COPS2: variants seen among roughly 807,000 people sequenced by gnomAD.
COPS2 encodes the protein COP9 signalosome subunit 2, also known as COP9 signalosome complex subunit 2.
COPS2 carries 10 observed loss-of-function variants against 66.1 expected under a neutral mutation model. That is an observed-to-expected ratio of 0.15 (90% CI 0.09 to 0.26). The LOEUF (loss-of-function observed/expected upper bound fraction) is 0.26. Among genes scored for constraint, COPS2 ranks in the 10% least tolerant of loss-of-function variants. COPS2 has a pLI of 1.00. For synonymous variants in COPS2, 179 were observed against 171.3 expected, an observed-to-expected ratio of 1.04 and a Z score of -0.35; for missense variants, 215 against 513.3, an observed-to-expected ratio of 0.42 and a Z score of 5.62.
At chr15:49,155,484 G>C (rs201706108) in intron 1 of COPS2, 41 bp downstream of exon 1, 1 of 1,606,004 alleles carries the variant, frequency 6.2e-7, no homozygotes, top group East Asian at 2.2e-5. Flanking sequence ...CCGAAAACAA[G>C]ACACATCACC....
chr15:49,130,238 G>A (rs1452351907), intron 10 of COPS2, among the ~76,000 whole-genome samples: 1 of 152,136 alleles, frequency 6.6e-6, no homozygotes. Context: ...GCAAAGAGAT[G>A]ATTGTAGTCT....
intron 1 of COPS2, among the ~76,000 whole-genome samples, chr15:49,150,060 G>A (rs978774820): frequency 1.3e-5 from 2 of 151,516 alleles, no homozygotes; most frequent in African/African-American, 4.8e-5. Flanking sequence ...TTTGGGAGGC[G>A]GAGGCAGGTG....
Position 49,128,072 on chromosome 15 carries a change from G to C in COPS2, c.1210C>G (p.Gln404Glu). Residue 404 changes from glutamine to glutamate, a missense_variant, in exon 13 of 13, where the codon CAA (glutamine) becomes GAA (glutamate). This residue lies in a region of COPS2 where 42 missense variants were observed against 55.9 expected (regional missense o/e 0.75). Transcript: ENST00000388901. The stretch of plus-strand genomic sequence containing the variant: ...TCCAGTTCAAGGAGTTGGTTGACTT[G>C]ATCAATTCGGCCATGAATAGTGCTA... ...LDNTIHGRID[Q>E]VNQLLELDHQ... is the part of the protein sequence containing the mutation. 1 of 1,613,620 alleles carries C rather than the reference G, an allele frequency of 6.2e-7. No homozygotes were observed. Among genetic ancestry groups the C allele is most frequent in the Non-Finnish European group, 8.5e-7 (1 of 1,179,712 alleles).
Position 49,128,662 on chromosome 15 carries a change from G to A in COPS2, c.1187+40C>T, listed in dbSNP as rs201752952. On this transcript the variant is annotated intron_variant, in intron 12 of 12. Transcript: ENST00000388901. Reference sequence around the variant, plus strand: ...TTGTCACTATTATTCAAAACTTACGGTACCAAATATTTTGTGATAAAAAAT... The same window carrying A: ...TTGTCACTATTATTCAAAACTTACGATACCAAATATTTTGTGATAAAAAAT... 21 of 1,413,850 alleles carry A rather than the reference G, an allele frequency of 1.5e-5. No homozygotes were observed. The East Asian group carries it at 4.8e-4, about 33-fold the overall frequency. 87.6% of individuals were successfully genotyped at this position (1,413,850 alleles called of 1,614,324 possible). A position where few individuals can be genotyped will look rare whatever the true frequency, so the allele number is the denominator to read the frequency against.
At chr15:49,147,167 G>A (rs564967020) in intron 1 of COPS2, among the ~76,000 whole-genome samples, 4 of 152,196 alleles carry the variant, frequency 2.6e-5, no homozygotes, top group Admixed American at 1.3e-4. Context: ...AATATAAACA[G>A]ATTTACCATA....
intron 1 of COPS2, among the ~76,000 whole-genome samples, chr15:49,150,013 T>C (rs1404431425): frequency 1.3e-5 from 2 of 152,090 alleles, no homozygotes; most frequent in Non-Finnish European, 2.9e-5. Flanking sequence ...AAAAACTGTC[T>C]GCTGGGCACG....
Position 49,127,816 on chromosome 15 carries a change from A to G in COPS2, c.*134T>C, listed in dbSNP as rs1045003115. The stretch of plus-strand genomic sequence containing the variant: ...CAGCAAAACACAAACCAGTTGATCA[A>G]AAAAGCACTTCTGCCATAACTCCAA... On this transcript the variant is annotated 3_prime_UTR_variant, in exon 13 of 13. Coordinates refer to ENST00000388901, the MANE Select transcript of COPS2 (RefSeq NM_004236.4). 5 of 952,470 alleles carry G rather than the reference A, an allele frequency of 5.2e-6. No individual in the cohort carries two copies. The highest frequency in any genetic ancestry group is 5.0e-5 in the African/African-American group (3 of 60,176). 59.0% of individuals were successfully genotyped at this position (952,470 alleles called of 1,614,324 possible). A position where few individuals can be genotyped will look rare whatever the true frequency, so the allele number is the denominator to read the frequency against.
chr15:49,143,977 G>GAAA (rs1196475455), intron 3 of COPS2, among the ~76,000 whole-genome samples: 4 of 148,416 alleles, frequency 2.7e-5, no homozygotes, highest in Non-Finnish European at 3.0e-5. Context: ...CAGAGCGGGG[G>GAAA]AAAAAAAAAA....
At chr15:49,137,067 T>G in intron 6 of COPS2, 83 bp downstream of exon 6, 1 of 831,124 alleles carries the variant, frequency 1.2e-6, no homozygotes, top group Non-Finnish European at 1.9e-6. Flanking sequence ...AAAACATCCC[T>G]AAACAATATT....
intron 1 of COPS2, among the ~76,000 whole-genome samples, chr15:49,151,399 CAAAA>C (rs35587443): frequency 2.6e-5 from 3 of 114,240 alleles, no homozygotes; most frequent in Non-Finnish European, 3.5e-5. Context: ...AACTCTGTCT[CAAAA>C]AAAAAAAAAA....
In COPS2 at chr15:49,123,500, G is replaced by C. The variant is rs1262292226; in HGVS notation, c.*4450C>G. On this transcript the variant is annotated 3_prime_UTR_variant, in exon 13 of 13. Coordinates refer to ENST00000388901, the MANE Select transcript of COPS2 (RefSeq NM_004236.4). ...AAATAGAAAACTGGAAAATTACTGTGATAAACTGGTGATGAATTTTGTACT... is the reference window on the plus strand; with the variant it reads ...AAATAGAAAACTGGAAAATTACTGTCATAAACTGGTGATGAATTTTGTACT... 6.6e-6 allele frequency: 1 copy of C among 152,132 alleles called. No individual in the cohort carries two copies. Among genetic ancestry groups the C allele is most frequent in the Non-Finnish European group, 1.5e-5 (1 of 68,012 alleles). 9.4% of individuals were successfully genotyped at this position (152,132 alleles called of 1,614,324 possible).
chr15:49,131,847 A>C (rs12905094), intron 9 of COPS2, among the ~76,000 whole-genome samples: 23 of 152,196 alleles, frequency 1.5e-4, no homozygotes, highest in African/African-American at 5.3e-4. Context: ...TTTCAAAAAA[A>C]ACATCTTATA....
chr15:49,141,166 T>G (rs1440196174), intron 3 of COPS2, among the ~76,000 whole-genome samples: 1 of 152,150 alleles, frequency 6.6e-6, no homozygotes, highest in Non-Finnish European at 1.5e-5. Context: ...TATCCTAACT[T>G]TGAAGCTGTA....
intron 9 of COPS2, among the ~76,000 whole-genome samples, chr15:49,131,731 T>C (rs765972570): frequency 2.0e-5 from 3 of 152,076 alleles, no homozygotes; most frequent in African/African-American, 4.8e-5. Context: ...TAATATACTA[T>C]AGGAGGACAT....
intron 1 of COPS2, among the ~76,000 whole-genome samples, chr15:49,152,051 C>CT (rs975230252): frequency 2.0e-5 from 3 of 151,518 alleles, no homozygotes; most frequent in Non-Finnish European, 4.4e-5. Context: ...ACTCACTGCT[C>CT]TTAGTTAACA....
chr15:49,130,058 C>T (rs1302279271), intron 10 of COPS2, among the ~76,000 whole-genome samples: 1 of 152,084 alleles, frequency 6.6e-6, no homozygotes, highest in Non-Finnish European at 1.5e-5. Flanking sequence ...AGTATCATTC[C>T]AGGTTCATGT....
intron 3 of COPS2, among the ~76,000 whole-genome samples, chr15:49,142,188 G>A (rs1374875881): frequency 1.3e-5 from 2 of 152,180 alleles, no homozygotes; most frequent in East Asian, 3.8e-4. Flanking sequence ...CAAAGCAGTA[G>A]GAGTAGAAAG....
Position 49,132,571 on chromosome 15 carries a change from C to CAAA in COPS2, c.947+1185_947+1187dup, listed in dbSNP as rs748471326. Among the ~76,000 whole-genome samples, 83 of 59,726 alleles carry CAAA rather than the reference C, an allele frequency of 1.4e-3. 1 individual carries two copies. Among genetic ancestry groups the CAAA allele is most frequent in the South Asian group, 1.8e-3 (3 of 1,656 alleles). The allele number at this position is 59,726 out of a possible 152,430, so 39.2% of individuals were successfully genotyped here. A position where few individuals can be genotyped will look rare whatever the true frequency, so the allele number is the denominator to read the frequency against. ...CACCTAAATTATTTACATATATCTG[C>CAAA]AAAAAAAAAAAAAAAAAAAAAAGCC... On this transcript the variant is annotated intron_variant, in intron 9 of 12. Transcript: ENST00000388901.
intron 12 of COPS2, among the ~76,000 whole-genome samples, chr15:49,128,369 ATG>A (rs908859676): frequency 1.1e-4 from 17 of 152,266 alleles, no homozygotes; most frequent in Non-Finnish European, 2.5e-4. Context: ...GCTTTAAACA[ATG>A]TACTGTTTTC....
Sources: gnomAD v4.1 joint callset for allele counts (sites outside exome capture counted in the v4.1 genomes callset) on GRCh38, gnomAD v4.1.1 for gene constraint, gnomAD v4.1.1 regional missense constraint, MANE v1.5 for transcripts, NCBI Gene and HGNC (gene_info 2026-07-23, HGNC 2026-07-21) for gene names.